ATG7: variants seen among roughly 807,000 people sequenced by gnomAD.
ATG7 encodes ubiquitin-like modifier-activating enzyme ATG7.
ATG7 carries 70 observed loss-of-function variants against 82.4 expected under a neutral mutation model. That is an observed-to-expected ratio of 0.85 (90% confidence interval 0.70 to 1.04). The LOEUF (loss-of-function observed/expected upper bound fraction) is 1.04, where lower values mean the gene tolerates loss of function less well. Ranked by LOEUF, ATG7 falls within the 50% of genes least tolerant of loss-of-function variation. The pLI is 0.00. For synonymous variants in ATG7, 287 were observed against 313.0 expected, an observed-to-expected ratio of 0.92 and a Z score of 0.88; for missense variants, 792 against 864.3, an observed-to-expected ratio of 0.92 and a Z score of 1.05.
In ATG7 at chr3:11,550,857, G is replaced by A. The variant is rs893744239; in HGVS notation, c.2080-3954G>A. Reference sequence around the variant, plus strand: ...ATTTTTTTATTGCTTATGGATTTGGGATCATAGGCCTTCCCTACTCCCAGG... The same window carrying A: ...ATTTTTTTATTGCTTATGGATTTGGAATCATAGGCCTTCCCTACTCCCAGG... On this transcript the variant is annotated intron_variant, in intron 20 of 20. Coordinates refer to ENST00000693202, the MANE Select transcript of ATG7 (RefSeq NM_001349232.2). Among the ~76,000 whole-genome samples the A allele has an allele frequency of 2.0e-5, 3 of 151,580 alleles. No individual in the cohort carries two copies. The East Asian group carries it at 5.8e-4, about 29-fold the overall frequency.
At chr3:11,531,045 G>A (rs1383719623) in intron 20 of ATG7, among the ~76,000 whole-genome samples, 7 of 152,138 alleles carry the variant, frequency 4.6e-5, no homozygotes, top group Admixed American at 4.6e-4. Context: ...CTAAGTGTCT[G>A]CTCACCACAG....
intron 20 of ATG7, among the ~76,000 whole-genome samples, chr3:11,543,210 C>G (rs2070981166): frequency 6.6e-6 from 1 of 152,224 alleles, no homozygotes; most frequent in Non-Finnish European, 1.5e-5. Flanking sequence ...TACATCTTAC[C>G]AGCCGCCTTG....
intron 20 of ATG7, among the ~76,000 whole-genome samples, chr3:11,472,790 T>G (rs2087695309): frequency 6.6e-6 from 1 of 152,146 alleles, no homozygotes; most frequent in African/African-American, 2.4e-5. Flanking sequence ...TTGTGATTGG[T>G]CTGATAGCTC....
intron 3 of ATG7, among the ~76,000 whole-genome samples, chr3:11,297,154 G>A (rs1278317855): frequency 1.3e-5 from 2 of 152,092 alleles, no homozygotes; most frequent in Non-Finnish European, 2.9e-5. Context: ...CCAAGAGCTC[G>A]AGACCAGCCT....
chr3:11,512,797 C>T (rs568479844), intron 20 of ATG7, among the ~76,000 whole-genome samples: 30 of 152,218 alleles, frequency 2.0e-4, no homozygotes, highest in Admixed American at 9.2e-4. Flanking sequence ...ATTGCTGGCT[C>T]GGGCAGCCTG....
chr3:11,340,625 T>C lies in ATG7; in HGVS notation c.890-20T>C. The C allele has an allele frequency of 6.2e-7, 1 of 1,601,944 alleles. No homozygotes were observed. The highest frequency in any genetic ancestry group is 2.2e-5 in the East Asian group (1 of 44,740). ...TATTCTTCCCTCCTTCATTAAACTT[T>C]GTGTTTTATTTGCCTTAAGATTGTC... On this transcript the variant is annotated intron_variant, in intron 11 of 20. Transcript: ENST00000693202.
chr3:11,445,412 C>G (rs1318044479), intron 20 of ATG7, among the ~76,000 whole-genome samples: 1 of 152,132 alleles, frequency 6.6e-6, no homozygotes, highest in African/African-American at 2.4e-5. Flanking sequence ...GGCCTTTATC[C>G]TTACAAACTC....
At chr3:11,366,412 T>G (rs552499492) in intron 18 of ATG7, among the ~76,000 whole-genome samples, 1 of 152,090 alleles carries the variant, frequency 6.6e-6, no homozygotes, top group East Asian at 1.9e-4. Context: ...TTTTTTGACA[T>G]GCATGTGTTA....
intron 20 of ATG7, among the ~76,000 whole-genome samples, chr3:11,522,022 T>C (rs1355358880): frequency 6.6e-6 from 1 of 152,190 alleles, no homozygotes; most frequent in East Asian, 1.9e-4. Context: ...ATCTGCATTT[T>C]GTAGAAAGGG....
chr3:11,364,529 G>C lies in ATG7; in HGVS notation c.1800-130G>C, dbSNP rs147389290. 8.5e-5 allele frequency: 81 copies of C among 950,476 alleles called. No homozygotes were observed. In the African/African-American group the frequency reaches 1.2e-3, roughly 14 times the overall value. 58.9% of individuals were successfully genotyped at this position (950,476 alleles called of 1,614,324 possible). A position where few individuals can be genotyped will look rare whatever the true frequency, so the allele number is the denominator to read the frequency against. On this transcript the variant is annotated intron_variant, in intron 17 of 20. Transcript: ENST00000693202. ...TTTGTCCCAGGGAAATTAGTTTTTT[G>C]CTAACTTACACTGCCCAGCAAGGGG...
chr3:11,356,489 T>C (rs1015804115), intron 14 of ATG7, among the ~76,000 whole-genome samples: 4 of 152,208 alleles, frequency 2.6e-5, no homozygotes, highest in Non-Finnish European at 4.4e-5. Context: ...TTCCAGCCTC[T>C]TGGGTGTGGA....
chr3:11,283,641 A>T (rs998132276), intron 3 of ATG7, among the ~76,000 whole-genome samples: 13 of 151,848 alleles, frequency 8.6e-5, no homozygotes, highest in African/African-American at 2.9e-4. Context: ...AACCATTAAA[A>T]ACTCTCCTGC....
At chr3:11,427,794 G>A (rs2082500411) in intron 20 of ATG7, among the ~76,000 whole-genome samples, 2 of 147,222 alleles carry the variant, frequency 1.4e-5, no homozygotes, top group Non-Finnish European at 1.5e-5. Context: ...CAGTCCGGGC[G>A]ACGGTGCGAG....
chr3:11,362,284 A>C (rs2076334155), intron 16 of ATG7, among the ~76,000 whole-genome samples: 1 of 152,224 alleles, frequency 6.6e-6, no homozygotes, highest in South Asian at 2.1e-4. Flanking sequence ...AAATACTTGT[A>C]GTAAACCCTA....
chr3:11,309,467 T>C (rs1332651391), intron 7 of ATG7, among the ~76,000 whole-genome samples: 2 of 152,176 alleles, frequency 1.3e-5, no homozygotes, highest in Non-Finnish European at 2.9e-5. Context: ...TTTTTTTGTT[T>C]TTTTAAAGAC....
intron 19 of ATG7, among the ~76,000 whole-genome samples, chr3:11,397,798 A>G (rs1440866865): frequency 7.6e-5 from 11 of 144,944 alleles, no homozygotes; most frequent in African/African-American, 2.2e-4. Context: ...ATTTTAATGA[A>G]TCGGCTGGGC....
At chr3:11,321,921 G>A (rs760663323) in intron 9 of ATG7, among the ~76,000 whole-genome samples, 2 of 152,036 alleles carry the variant, frequency 1.3e-5, no homozygotes, top group East Asian at 1.9e-4. Flanking sequence ...TTAAGGTCCC[G>A]AGTCACACAG....
intron 3 of ATG7, among the ~76,000 whole-genome samples, chr3:11,294,673 C>T (rs1022794672): frequency 2.6e-5 from 4 of 152,296 alleles, no homozygotes; most frequent in East Asian, 1.9e-4. Context: ...GTGACCTAGG[C>T]TTCAAAATAG....
chr3:11,558,600 C>T (rs778016957), downstream of ATG7: 1 of 1,605,818 alleles, frequency 6.2e-7, no homozygotes, highest in Non-Finnish European at 8.5e-7. Context: ...ACCATGTGGG[C>T]AGAGGGGCTG....
Sources: gnomAD v4.1 joint callset for allele counts (sites outside exome capture counted in the v4.1 genomes callset) on GRCh38, gnomAD v4.1.1 for gene constraint, MANE v1.5 for transcripts, NCBI Gene and HGNC (gene_info 2026-07-23, HGNC 2026-07-21) for gene names.